Variants in ZSWIM5 observed in about 807,000 individuals in gnomAD.
ZSWIM5 encodes zinc finger SWIM domain-containing protein 5.
Under a neutral mutation model 119.6 loss-of-function variants are expected in ZSWIM5, and 55 were observed. The ratio of observed to expected loss-of-function variants is 0.46; its 90% confidence interval spans 0.37 to 0.58. ZSWIM5 has a LOEUF of 0.58. ZSWIM5 is among the 20% of genes least tolerant of loss of function. The probability of loss-of-function intolerance (pLI) is 0.00; values close to 1 mark genes in which losing one functional copy is unlikely to be tolerated. For missense variants in ZSWIM5, 1,193 were observed against 1,512.8 expected (o/e 0.79, Z 3.51); for synonymous variants, 537 against 606.9 (o/e 0.88, Z 1.69).
chr1:45,184,054 T>A (rs1438111496), intron 1 of ZSWIM5, among the ~76,000 whole-genome samples: 1 of 151,910 alleles, frequency 6.6e-6, no homozygotes, highest in Non-Finnish European at 1.5e-5. Flanking sequence ...TCCACCATGA[T>A]CAAGTGGGCT....
intron 1 of ZSWIM5, among the ~76,000 whole-genome samples, chr1:45,165,552 A>G (rs917875379): frequency 2.6e-5 from 4 of 152,100 alleles, no homozygotes; most frequent in Non-Finnish European, 4.4e-5. Flanking sequence ...AAGATCAACA[A>G]AATTGATAGA....
intron 1 of ZSWIM5, among the ~76,000 whole-genome samples, chr1:45,113,174 G>C (rs1197517529): frequency 2.6e-5 from 4 of 152,132 alleles, no homozygotes; most frequent in Non-Finnish European, 5.9e-5. Context: ...ATGATTAGTA[G>C]TATCAACACC....
chr1:45,163,202 T>C (rs897056259), intron 1 of ZSWIM5, among the ~76,000 whole-genome samples: 2 of 152,124 alleles, frequency 1.3e-5, no homozygotes, highest in African/African-American at 4.8e-5. Flanking sequence ...GATACCCAGG[T>C]AAACAGGGTC....
chr1:45,167,601 T>C (rs1645914194), intron 1 of ZSWIM5, among the ~76,000 whole-genome samples: 1 of 151,974 alleles, frequency 6.6e-6, no homozygotes, highest in African/African-American at 2.4e-5. Flanking sequence ...ATCCAGAATC[T>C]ACAAAGAACT....
At chr1:45,202,022 A>C (rs988026010) in intron 1 of ZSWIM5, among the ~76,000 whole-genome samples, 1 of 152,050 alleles carries the variant, frequency 6.6e-6, no homozygotes, top group African/African-American at 2.4e-5. Flanking sequence ...GAGGGAGAGA[A>C]CTCATTGATC....
At chr1:45,200,078 G>C (rs539469901) in intron 1 of ZSWIM5, among the ~76,000 whole-genome samples, 3 of 152,220 alleles carry the variant, frequency 2.0e-5, no homozygotes, top group African/African-American at 7.2e-5. Flanking sequence ...TCAATTAAGA[G>C]AGATGTCATA....
intron 2 of ZSWIM5, among the ~76,000 whole-genome samples, chr1:45,082,774 A>C (rs1169151326): frequency 6.6e-6 from 1 of 152,198 alleles, no homozygotes; most frequent in African/African-American, 2.4e-5. Context: ...TCAGACAAAA[A>C]TTAAGATATG....
intron 4 of ZSWIM5, among the ~76,000 whole-genome samples, chr1:45,051,791 C>A (rs986804500): frequency 2.0e-5 from 3 of 152,200 alleles, no homozygotes; most frequent in Admixed American, 6.5e-5. Context: ...TTCATCAAAT[C>A]ATTCAATTGT....
chr1:45,096,535 AACACACAC>A (rs370564289), intron 1 of ZSWIM5, among the ~76,000 whole-genome samples: 3 of 140,520 alleles, frequency 2.1e-5, no homozygotes, highest in East Asian at 4.3e-4. Flanking sequence ...TGGCCCTATC[AACACACAC>A]ACACACACAC....
At chr1:45,196,384 C>CTTTTTTTTTTTT (rs767673983) in intron 1 of ZSWIM5, among the ~76,000 whole-genome samples, 1 of 76,358 alleles carries the variant, frequency 1.3e-5, no homozygotes. Flanking sequence ...CCCACAATTC[C>CTTTTTTTTTTTT]TTTTTTTTTT....
rs188894554 is a variant in ZSWIM5 at position 45,075,301 on chromosome 1, C to T, written c.952+12580G>A. Among the ~76,000 whole-genome samples the T allele has an allele frequency of 1.7e-4, 25 of 150,402 alleles. 1 individual carries two copies. Among genetic ancestry groups the T allele is most frequent in the African/African-American group, 5.3e-4 (21 of 39,792 alleles). On this transcript the variant is annotated intron_variant, in intron 2 of 13. Transcript: ENST00000359600. ...TGGAAGATGTGTCCGATGCTGATAGCGGGGTGCTGAAGTCTCCAGCTATTA... is the reference window on the plus strand; with the variant it reads ...TGGAAGATGTGTCCGATGCTGATAGTGGGGTGCTGAAGTCTCCAGCTATTA...
chr1:45,037,913 C>A (rs1033034540), intron 8 of ZSWIM5, among the ~76,000 whole-genome samples: 19 of 152,126 alleles, frequency 1.2e-4, no homozygotes, highest in Non-Finnish European at 1.5e-4. Flanking sequence ...CCTCATCTAT[C>A]TAATAAGTAT....
At chr1:45,192,524 A>T (rs1646098858) in intron 1 of ZSWIM5, among the ~76,000 whole-genome samples, 1 of 152,194 alleles carries the variant, frequency 6.6e-6, no homozygotes, top group South Asian at 2.1e-4. Context: ...GAAGGAAGGA[A>T]GGAAAATAGA....
At chr1:45,119,130 T>C (rs1043220941) in intron 1 of ZSWIM5, among the ~76,000 whole-genome samples, 4 of 152,168 alleles carry the variant, frequency 2.6e-5, no homozygotes, top group African/African-American at 9.7e-5. Flanking sequence ...CCCAAGAATT[T>C]TAAACAGGGA....
chr1:45,201,801 AC>A (rs1646159844), intron 1 of ZSWIM5, among the ~76,000 whole-genome samples: 1 of 152,202 alleles, frequency 6.6e-6, no homozygotes, highest in Admixed American at 6.5e-5. Context: ...CACAGAAGAT[AC>A]ACCTAAGTTG....
At chr1:45,195,475 C>G (rs1416836774) in intron 1 of ZSWIM5, among the ~76,000 whole-genome samples, 1 of 151,994 alleles carries the variant, frequency 6.6e-6, no homozygotes, top group African/African-American at 2.4e-5. Flanking sequence ...TCAAGTGATC[C>G]TCCCACCTAA....
intron 1 of ZSWIM5, among the ~76,000 whole-genome samples, chr1:45,134,911 T>C (rs955881694): frequency 2.0e-5 from 3 of 152,214 alleles, no homozygotes; most frequent in African/African-American, 4.8e-5. Flanking sequence ...TATGAAAGGA[T>C]TTCTTTCTTT....
At chr1:45,137,682 A>G (rs1645697935) in intron 1 of ZSWIM5, among the ~76,000 whole-genome samples, 1 of 152,212 alleles carries the variant, frequency 6.6e-6, no homozygotes, top group African/African-American at 2.4e-5. Flanking sequence ...TGGCATGTTC[A>G]AAGAATAGCA....
chr1:45,093,606 T>C (rs1333253699), intron 1 of ZSWIM5, among the ~76,000 whole-genome samples: 2 of 152,218 alleles, frequency 1.3e-5, no homozygotes, highest in Non-Finnish European at 2.9e-5. Context: ...TGGCTCTGGG[T>C]AAGTTTCCTT....
Sources: allele counts gnomAD v4.1 joint callset (sites outside exome capture counted in the v4.1 genomes callset), GRCh38; gene constraint gnomAD v4.1.1; transcripts MANE v1.5; gene names NCBI Gene and HGNC (gene_info 2026-07-23, HGNC 2026-07-21).